The following GRAMD1B variants were observed in gnomAD, a reference collection of about 807,000 sequenced individuals.
GRAMD1B encodes protein Aster-B.
Under a neutral mutation model 99.7 loss-of-function variants are expected in GRAMD1B, and 37 were observed. That is an observed-to-expected ratio of 0.37 (90% CI 0.29 to 0.49). The LOEUF is 0.49. Among genes scored for constraint, GRAMD1B ranks in the 20% least tolerant of loss-of-function variants. The pLI is 0.98. For synonymous variants in GRAMD1B, 427 were observed against 387.6 expected (o/e 1.10, Z -1.19); for missense variants, 888 against 1,009.2 (o/e 0.88, Z 1.63).
chr11:123,452,369 G>A (rs1351739464), intron 1 of GRAMD1B, among the ~76,000 whole-genome samples: 1 of 152,210 alleles, frequency 6.6e-6, no homozygotes, highest in Non-Finnish European at 1.5e-5. Flanking sequence ...TCCTTGGCCA[G>A]GCATGGTGGC....
At chr11:123,525,911 A>G in intron 2 of GRAMD1B, 1 of 551,952 alleles carries the variant, frequency 1.8e-6, no homozygotes, top group Non-Finnish European at 3.2e-6. Context: ...CTGGATTTGC[A>G]GAATCTGTCC....
At chr11:123,450,475 C>A (rs1311091343) in intron 1 of GRAMD1B, among the ~76,000 whole-genome samples, 1 of 152,176 alleles carries the variant, frequency 6.6e-6, no homozygotes, top group Non-Finnish European at 1.5e-5. Flanking sequence ...GTCTGCCCTA[C>A]AGGGGCTTCT....
intron 2 of GRAMD1B, among the ~76,000 whole-genome samples, chr11:123,561,286 C>T (rs1365131264): frequency 1.3e-5 from 2 of 152,128 alleles, no homozygotes; most frequent in African/African-American, 2.4e-5. Context: ...GCAGTGCCTC[C>T]GGCGGGGGTA....
intron 1 of GRAMD1B, among the ~76,000 whole-genome samples, chr11:123,407,658 T>C (rs1445481700): frequency 6.6e-6 from 1 of 152,192 alleles, no homozygotes. Flanking sequence ...TTCATGACCT[T>C]TTCAGAGCAT....
rs765147426 is a variant in GRAMD1B at position 123,618,680 on chromosome 11, G to A, written c.2319-13G>A. 1.8e-5 allele frequency: 26 copies of A among 1,457,502 alleles called. No individual in the cohort carries two copies. Among genetic ancestry groups the A allele is most frequent in the African/African-American group, 7.0e-5 (5 of 71,448 alleles). The allele number at this position is 1,457,502 out of a possible 1,614,324, so 90.3% of individuals were successfully genotyped here. ...TCACTGCTGATGTTTTTTTCCCCACGTCTCCTTCCTAGTCTGGTGCTGCTG... is the reference window on the plus strand; with the variant it reads ...TCACTGCTGATGTTTTTTTCCCCACATCTCCTTCCTAGTCTGGTGCTGCTG... On this transcript the variant is annotated splice_polypyrimidine_tract_variant and intron_variant, in intron 17 of 19. Coordinates refer to ENST00000635736, the MANE Select transcript of GRAMD1B (RefSeq NM_001387025.1).
intron 1 of GRAMD1B, among the ~76,000 whole-genome samples, chr11:123,457,322 T>C (rs1408445826): frequency 6.6e-6 from 1 of 152,154 alleles, no homozygotes; most frequent in African/African-American, 2.4e-5. Context: ...CTCTGTTAGC[T>C]GCCTCTAAAC....
At chr11:123,575,478 A>G (rs1948614292) in intron 2 of GRAMD1B, among the ~76,000 whole-genome samples, 1 of 152,134 alleles carries the variant, frequency 6.6e-6, no homozygotes, top group Non-Finnish European at 1.5e-5. Context: ...CACCACTCCC[A>G]ACTTCTCTAG....
At chr11:123,378,024 A>G (rs187284291) in intron 1 of GRAMD1B, among the ~76,000 whole-genome samples, 2 of 152,190 alleles carry the variant, frequency 1.3e-5, no homozygotes, top group Non-Finnish European at 2.9e-5. Flanking sequence ...TTCTGTGTCC[A>G]CAGGTACAAA....
intron 1 of GRAMD1B, among the ~76,000 whole-genome samples, chr11:123,418,939 A>C (rs958543109): frequency 6.6e-6 from 1 of 152,232 alleles, no homozygotes; most frequent in Admixed American, 6.5e-5. Context: ...TGAATGGGAC[A>C]TAAATCCTGT....
upstream of GRAMD1B, among the ~76,000 whole-genome samples, chr11:123,429,543 C>A (rs1948773774): frequency 6.6e-6 from 1 of 152,188 alleles, no homozygotes; most frequent in South Asian, 2.1e-4. This position sits in a 1 kb window ranked among gnomAD's most constrained non-coding sequence, Gnocchi z 4.0. Flanking sequence ...GTACCCTCGA[C>A]TCCCTGGGGC....
intron 1 of GRAMD1B, among the ~76,000 whole-genome samples, chr11:123,434,650 T>C (rs1681798721): frequency 6.6e-6 from 1 of 152,078 alleles, no homozygotes; most frequent in Non-Finnish European, 1.5e-5. Flanking sequence ...TAGCTGGACA[T>C]GGTAGTGCGC....
At chr11:123,389,847 G>A (rs1039906846) in intron 1 of GRAMD1B, among the ~76,000 whole-genome samples, 2 of 152,076 alleles carry the variant, frequency 1.3e-5, no homozygotes, top group African/African-American at 4.8e-5. Context: ...CTGGGTTCAA[G>A]CGATTCTTGT....
At chr11:123,621,443 G>T (rs1041503390) in intron 19 of GRAMD1B, among the ~76,000 whole-genome samples, 1 of 152,180 alleles carries the variant, frequency 6.6e-6, no homozygotes, top group African/African-American at 2.4e-5. Flanking sequence ...TCTGCATGGT[G>T]CCCCTGGGTG....
At chr11:123,382,544 C>T (rs1258624887) in intron 1 of GRAMD1B, among the ~76,000 whole-genome samples, 1 of 148,324 alleles carries the variant, frequency 6.7e-6, no homozygotes, top group Non-Finnish European at 1.5e-5. Context: ...TTCTGAAGAC[C>T]TTGCAGTTGC....
chr11:123,364,243 G>A (rs1946242756), intron 1 of GRAMD1B, among the ~76,000 whole-genome samples: 1 of 152,198 alleles, frequency 6.6e-6, no homozygotes, highest in African/African-American at 2.4e-5. Context: ...AGTTGGACTC[G>A]GAAAGGAGCG....
chr11:123,442,218 T>A (rs191157914), intron 1 of GRAMD1B, among the ~76,000 whole-genome samples: 1 of 152,248 alleles, frequency 6.6e-6, no homozygotes, highest in Non-Finnish European at 1.5e-5. Context: ...CCACTTCAGA[T>A]GCCAATCACA....
At chr11:123,502,475 T>C (rs1939963058) in intron 2 of GRAMD1B, among the ~76,000 whole-genome samples, 1 of 152,148 alleles carries the variant, frequency 6.6e-6, no homozygotes, top group African/African-American at 2.4e-5. Flanking sequence ...GGTTACTTCC[T>C]GGTAAACCCA....
intron 4 of GRAMD1B, among the ~76,000 whole-genome samples, chr11:123,586,984 G>A (rs1950142629): frequency 6.6e-6 from 1 of 152,222 alleles, no homozygotes; most frequent in Non-Finnish European, 1.5e-5. Context: ...TGGAGTCAGG[G>A]CAGTGAGGGC....
intron 2 of GRAMD1B, among the ~76,000 whole-genome samples, chr11:123,530,525 C>T (rs1943244153): frequency 6.6e-6 from 1 of 152,130 alleles, no homozygotes; most frequent in Admixed American, 6.5e-5. Flanking sequence ...GGATTACAGG[C>T]GCCCGCCACC....
Sources: allele counts gnomAD v4.1 joint callset (sites outside exome capture counted in the v4.1 genomes callset), GRCh38; gene constraint gnomAD v4.1.1; non-coding constraint Gnocchi (gnomAD v3.1); transcripts MANE v1.5; gene names NCBI Gene and HGNC (gene_info 2026-07-23, HGNC 2026-07-21).